The following SYT1 variants were observed in gnomAD, a reference collection of about 807,000 sequenced individuals.
SYT1 encodes synaptotagmin-1.
A neutral mutation model predicts 44.8 loss-of-function variants in SYT1; 8 were observed. The observed-to-expected ratio is 0.18, with a 90% CI of 0.10 to 0.32. The LOEUF is 0.32. SYT1 is among the 10% of genes least tolerant of loss of function. The pLI, the probability that SYT1 is intolerant of heterozygous loss-of-function variation, is 1.00. For missense variants in SYT1, 286 were observed against 509.3 expected (o/e 0.56, Z 4.22); for synonymous variants, 154 against 188.8 (o/e 0.82, Z 1.51).
chr12:79,160,420 A>G (rs1302452668), intron 3 of SYT1, among the ~76,000 whole-genome samples: 1 of 152,178 alleles, frequency 6.6e-6, no homozygotes, highest in African/African-American at 2.4e-5. Context: ...AGCCACTTAC[A>G]AAATAAAAAG....
intron 8 of SYT1, among the ~76,000 whole-genome samples, chr12:79,333,528 G>A (rs1881950458): frequency 1.3e-5 from 2 of 152,054 alleles, no homozygotes; most frequent in Admixed American, 1.3e-4. Context: ...CAAGTAATCA[G>A]GGCTTTTTTG....
rs1364064019 is a variant in SYT1 at position 79,299,490 on chromosome 12, C to G, written c.749C>G (p.Thr250Arg). 1 of 1,613,514 alleles carries G rather than the reference C, an allele frequency of 6.2e-7. No homozygotes were observed. The highest frequency in any genetic ancestry group is 1.3e-5 in the African/African-American group (1 of 74,988). ...IIGEFKVPMN[T>R]VDFGHVTEEW... The stretch of plus-strand genomic sequence containing the variant: ...GGAGAATTTAAAGTCCCTATGAACA[C>G]AGTGGATTTTGGCCATGTAACTGAG... The change falls in exon 8 of 11, where the codon ACA becomes AGA. Residue 250 changes from threonine (T) to arginine (R), a missense_variant. Physicochemically the swap from Thr to Arg is moderately conservative, Grantham distance 71. Coordinates refer to ENST00000261205, the MANE Select transcript of SYT1 (RefSeq NM_005639.3).
At chr12:79,351,114 AT>A (rs1882880719) in intron 8 of SYT1, among the ~76,000 whole-genome samples, 1 of 152,046 alleles carries the variant, frequency 6.6e-6, no homozygotes, top group Non-Finnish European at 1.5e-5. Flanking sequence ...ACTTTTCCAT[AT>A]TTTTCTTTCT....
chr12:79,272,780 A>T (rs186753199), intron 4 of SYT1, among the ~76,000 whole-genome samples: 174 of 152,322 alleles, frequency 1.1e-3, no homozygotes, highest in African/African-American at 4.0e-3. Context: ...TAGAAAGGGA[A>T]GGAGAGGGGA....
intron 9 of SYT1, among the ~76,000 whole-genome samples, chr12:79,364,579 T>G (rs1042144618): frequency 6.6e-5 from 10 of 152,184 alleles, no homozygotes; most frequent in African/African-American, 2.4e-4. Context: ...AGGCTTCCTA[T>G]AATTTTTTCT....
rs1472946549 is a variant in SYT1, at chr12:79,296,191, C to G, written c.597C>G (p.His199Gln). 4.3e-6 allele frequency: 7 copies of G among 1,613,852 alleles called. No individual in the cohort carries two copies. ...AGAAGAAATTTGAGACAAAAGTCCA[C>G]CGAAAAACCCTTAATCCTGTCTTCA... ...DKKKKFETKV[H>Q]RKTLNPVFNE... The change falls in exon 7 of 11, where the codon CAC becomes CAG. Residue 199 changes from histidine (H) to glutamine (Q), a missense_variant. By Grantham distance (24) the His-to-Gln change is conservative. This residue lies in a region of SYT1 where 81 missense variants were observed against 164.9 expected (regional missense o/e 0.49). Transcript: ENST00000261205.
At chr12:79,038,677 A>C (rs1216844059) in intron 2 of SYT1, among the ~76,000 whole-genome samples, 3 of 151,900 alleles carry the variant, frequency 2.0e-5, no homozygotes, top group Admixed American at 1.3e-4. Flanking sequence ...GAAAACTCTG[A>C]GTTTATTAAT....
rs577904554 is a variant in SYT1 at position 79,367,955 on chromosome 12, C to T, written c.928+14336C>T. Among the ~76,000 whole-genome samples the T allele has an allele frequency of 4.6e-5, 7 of 151,874 alleles. No individual in the cohort carries two copies. In the South Asian group the frequency reaches 1.5e-3, roughly 32 times the overall value. On this transcript the variant is annotated intron_variant, in intron 9 of 10. Transcript: ENST00000261205. ...TTTTAGGGTACATGTGCACAATGCG[C>T]AGGTTAGTTACATATGTATACATGT...
chr12:79,347,638 C>A (rs1882668975), intron 8 of SYT1, among the ~76,000 whole-genome samples: 1 of 152,140 alleles, frequency 6.6e-6, no homozygotes, highest in Non-Finnish European at 1.5e-5. Flanking sequence ...GCTGAAAAGA[C>A]CAACCTGACT....
intron 3 of SYT1, among the ~76,000 whole-genome samples, chr12:79,210,459 T>A (rs1031251161): frequency 1.4e-4 from 22 of 152,322 alleles, no homozygotes; most frequent in African/African-American, 5.3e-4. Context: ...CTTTACATCC[T>A]CATAGCTTAG....
intron 4 of SYT1, among the ~76,000 whole-genome samples, chr12:79,276,985 G>A (rs1878772466): frequency 6.6e-6 from 1 of 151,448 alleles, no homozygotes; most frequent in South Asian, 2.1e-4. Context: ...AGGAGGAGGA[G>A]GAGGGAGAAG....
intron 4 of SYT1, among the ~76,000 whole-genome samples, chr12:79,284,271 T>G (rs1302888860): frequency 6.6e-6 from 1 of 152,164 alleles, no homozygotes; most frequent in Non-Finnish European, 1.5e-5. Context: ...ATATATTAAC[T>G]TTTATCAGAG....
At chr12:79,245,896 A>T (rs1876823728) in intron 4 of SYT1, among the ~76,000 whole-genome samples, 1 of 151,748 alleles carries the variant, frequency 6.6e-6, no homozygotes, top group Non-Finnish European at 1.5e-5. Flanking sequence ...TTTTTTCAGG[A>T]AAGGGAACCA....
At chr12:78,946,527 C>A (rs1349121058) in intron 1 of SYT1, among the ~76,000 whole-genome samples, 3 of 151,800 alleles carry the variant, frequency 2.0e-5, no homozygotes, top group African/African-American at 7.3e-5. Context: ...TGGTGGCACA[C>A]ACCTGCAATC....
intron 2 of SYT1, among the ~76,000 whole-genome samples, chr12:78,988,504 T>A (rs1869808756): frequency 6.6e-6 from 1 of 151,174 alleles, no homozygotes; most frequent in Non-Finnish European, 1.5e-5. Flanking sequence ...TACGGTGAAA[T>A]TTACATAGAT....
At chr12:79,173,311 G>A (rs1331212136) in intron 3 of SYT1, among the ~76,000 whole-genome samples, 1 of 152,012 alleles carries the variant, frequency 6.6e-6, no homozygotes, top group Non-Finnish European at 1.5e-5. Context: ...AGCCTCTTAG[G>A]AGGTAGGCAG....
At chr12:78,912,927 A>G (rs1438994590) in intron 1 of SYT1, among the ~76,000 whole-genome samples, 1 of 151,942 alleles carries the variant, frequency 6.6e-6, no homozygotes, top group Non-Finnish European at 1.5e-5. Context: ...TATGTTACAC[A>G]TCTATTAGAT....
chr12:79,110,936 A>G (rs1245036399), intron 3 of SYT1, among the ~76,000 whole-genome samples: 1 of 152,192 alleles, frequency 6.6e-6, no homozygotes, highest in East Asian at 1.9e-4. Context: ...TTGCCCAAGG[A>G]CATGCCACAA....
intron 3 of SYT1, among the ~76,000 whole-genome samples, chr12:79,097,253 T>A (rs1766972592): frequency 6.6e-6 from 1 of 151,968 alleles, no homozygotes; most frequent in Non-Finnish European, 1.5e-5. Context: ...GTCCAAAGAA[T>A]ACAGGTATAT....
Sources: allele counts gnomAD v4.1 joint callset (sites outside exome capture counted in the v4.1 genomes callset), GRCh38; gene constraint gnomAD v4.1.1; regional missense constraint gnomAD v4.1.1; transcripts MANE v1.5; gene names NCBI Gene and HGNC (gene_info 2026-07-23, HGNC 2026-07-21).